The following OSBPL10 variants were observed in gnomAD, a reference collection of about 807,000 sequenced individuals.
OSBPL10 encodes the protein oxysterol-binding protein-related protein 10.
Under a neutral mutation model 81.7 loss-of-function variants are expected in OSBPL10, and 49 were observed. The observed-to-expected ratio is 0.60, with a 90% CI of 0.48 to 0.76. The LOEUF (loss-of-function observed/expected upper bound fraction) is 0.76, where lower values mean the gene tolerates loss of function less well. OSBPL10 is among the 30% of genes least tolerant of loss of function. The probability of loss-of-function intolerance (pLI) is 0.00; values close to 1 mark genes in which losing one functional copy is unlikely to be tolerated. For missense variants in OSBPL10, 923 were observed against 987.8 expected, an observed-to-expected ratio of 0.93 and a Z score of 0.88; for synonymous variants, 419 against 383.6, an observed-to-expected ratio of 1.09 and a Z score of -1.08.
intron 6 of OSBPL10, among the ~76,000 whole-genome samples, chr3:31,727,142 T>C (rs1696834404): frequency 6.6e-6 from 1 of 152,164 alleles, no homozygotes; most frequent in Non-Finnish European, 1.5e-5. Flanking sequence ...CTTAAATTTA[T>C]TACTATTTGA....
intron 1 of OSBPL10, among the ~76,000 whole-genome samples, chr3:31,892,507 G>T (rs1010197888): frequency 6.6e-6 from 1 of 152,174 alleles, no homozygotes; most frequent in Non-Finnish European, 1.5e-5. Flanking sequence ...GACGACTGGG[G>T]AGACTAACAC....
chr3:31,842,331 A>G (rs1290211126), intron 3 of OSBPL10, among the ~76,000 whole-genome samples: 3 of 152,168 alleles, frequency 2.0e-5, no homozygotes, highest in Non-Finnish European at 4.4e-5. Context: ...CTAATGTGTG[A>G]GCTCTAAGAA....
At chr3:31,783,487 T>G (rs1698756861) in intron 4 of OSBPL10, among the ~76,000 whole-genome samples, 1 of 151,650 alleles carries the variant, frequency 6.6e-6, no homozygotes. Flanking sequence ...CACCACCTGT[T>G]CCCCAAAAAC....
chr3:32,058,515 T>C (rs1342980816), intron 1 of OSBPL10, among the ~76,000 whole-genome samples: 1 of 152,134 alleles, frequency 6.6e-6, no homozygotes, highest in Non-Finnish European at 1.5e-5. Context: ...TCAGTAGAGA[T>C]GGGGTTTCAC....
At chr3:31,804,955 G>C (rs576928548) in intron 4 of OSBPL10, among the ~76,000 whole-genome samples, 1 of 152,288 alleles carries the variant, frequency 6.6e-6, no homozygotes, top group South Asian at 2.1e-4. Context: ...CTGTCTCCAA[G>C]GGAGCATGTT....
intron 1 of OSBPL10, among the ~76,000 whole-genome samples, chr3:31,884,911 A>AG (rs1324163733): frequency 6.6e-6 from 1 of 152,160 alleles, no homozygotes; most frequent in African/African-American, 2.4e-5. Flanking sequence ...TCAATAAAAG[A>AG]GGAAAAAAAA....
At position 31,899,586 on chromosome 3, in the gene OSBPL10, T is replaced by C. The variant is rs145066728; in HGVS notation, c.282-19756A>G. Among the ~76,000 whole-genome samples the C allele has an allele frequency of 4.3e-3, 649 of 152,256 alleles. 9 individuals carry two copies. Among genetic ancestry groups the C allele is most frequent in the South Asian group, 0.04 (191 of 4,822 alleles). On this transcript the variant is annotated intron_variant, in intron 1 of 11. Coordinates refer to ENST00000396556, the MANE Select transcript of OSBPL10 (RefSeq NM_017784.5). ...ACACCATGCATGTAATCTCAGCACTTTGAGAGGCCGAGGTGAGAGAACCAC... is the reference window on the plus strand; with the variant it reads ...ACACCATGCATGTAATCTCAGCACTCTGAGAGGCCGAGGTGAGAGAACCAC...
chr3:32,011,156 C>G (rs1699252237), intron 2 of OSBPL10, among the ~76,000 whole-genome samples: 2 of 152,246 alleles, frequency 1.3e-5, no homozygotes, highest in African/African-American at 4.8e-5. Flanking sequence ...AAGTGGGTCC[C>G]TGACCCCCGA....
intron 2 of OSBPL10, among the ~76,000 whole-genome samples, chr3:32,007,338 A>G (rs1172901310): frequency 1.3e-5 from 2 of 152,208 alleles, no homozygotes; most frequent in African/African-American, 4.8e-5. Flanking sequence ...TGGCTGCTAT[A>G]ACAAACTACC....
chr3:31,801,214 T>G (rs1178521247), intron 4 of OSBPL10, among the ~76,000 whole-genome samples: 1 of 152,146 alleles, frequency 6.6e-6, no homozygotes, highest in Non-Finnish European at 1.5e-5. Context: ...AGAAATAAAC[T>G]GGGCCACACA....
At chr3:31,984,230 T>C (rs1698902071), upstream of OSBPL10, among the ~76,000 whole-genome samples, 1 of 152,040 alleles carries the variant, frequency 6.6e-6, no homozygotes, top group Non-Finnish European at 1.5e-5. Flanking sequence ...TTAGTAGAGA[T>C]GGGATTTCAC....
intron 5 of OSBPL10, among the ~76,000 whole-genome samples, chr3:31,734,966 A>T (rs1697106304): frequency 6.6e-6 from 1 of 152,240 alleles, no homozygotes; most frequent in Admixed American, 6.5e-5. Context: ...TATCCCAAAC[A>T]TTCCTGACAT....
At chr3:31,866,780 C>G (rs538811036) in intron 3 of OSBPL10, among the ~76,000 whole-genome samples, 1 of 152,120 alleles carries the variant, frequency 6.6e-6, no homozygotes, top group Non-Finnish European at 1.5e-5. Context: ...AGGGCTCTTA[C>G]TACCACAAGG....
chr3:31,703,380 A>C (rs1194361253), intron 6 of OSBPL10, among the ~76,000 whole-genome samples: 2 of 152,248 alleles, frequency 1.3e-5, no homozygotes, highest in Non-Finnish European at 2.9e-5. Flanking sequence ...AGCACTCTGC[A>C]CAGAACATTA....
Position 31,981,193 on chromosome 3 carries a change from C to G in OSBPL10, c.-14G>C, listed in dbSNP as rs752453355. 1 of 1,408,962 alleles carries G rather than the reference C, an allele frequency of 7.1e-7. No homozygotes were observed. The highest frequency in any genetic ancestry group is 1.5e-5 in the South Asian group (1 of 65,266). 87.3% of individuals were successfully genotyped at this position (1,408,962 alleles called of 1,614,324 possible). ...TGCCCTCTCCATGGTCCGTGGGCGC[C>G]CGGGACGCGGGTGCCCGCCGCGGTG... On this transcript the variant is annotated 5_prime_UTR_variant, in exon 1 of 12. Coordinates refer to ENST00000396556, the MANE Select transcript of OSBPL10 (RefSeq NM_017784.5). This position sits in a 1 kb window ranked among gnomAD's most constrained non-coding sequence, Gnocchi z 4.5.
At position 31,838,262 on chromosome 3, in the gene OSBPL10, G is replaced by A. The variant is rs555705390; in HGVS notation, c.538-8031C>T. Among the ~76,000 whole-genome samples, 1,199 of 152,226 alleles carry A rather than the reference G, an allele frequency of 7.9e-3. 16 individuals carry two copies. Among genetic ancestry groups the A allele is most frequent in the African/African-American group, 0.028 (1,152 of 41,540 alleles). On this transcript the variant is annotated intron_variant, in intron 3 of 11. Coordinates refer to ENST00000396556, the MANE Select transcript of OSBPL10 (RefSeq NM_017784.5). Reference sequence around the variant, plus strand: ...ACTGTGGCTCAAGCCTGTAATCCCAGCACTTTGGGAGGCTGAGGTGGGCGG... The same window carrying A: ...ACTGTGGCTCAAGCCTGTAATCCCAACACTTTGGGAGGCTGAGGTGGGCGG...
intron 1 of OSBPL10, among the ~76,000 whole-genome samples, chr3:31,965,603 A>AAT (rs1413229188): frequency 1.9e-5 from 1 of 53,414 alleles, no homozygotes; most frequent in African/African-American, 6.8e-5. Context: ...TATATTATAT[A>AAT]ATATATTATA....
chr3:31,734,871 A>C lies in OSBPL10; in HGVS notation c.941-1460T>G, dbSNP rs565769090. Among the ~76,000 whole-genome samples, 172 of 152,344 alleles carry C rather than the reference A, an allele frequency of 1.1e-3. 1 individual carries two copies. The highest frequency in any genetic ancestry group is 3.4e-3 in the Middle Eastern group (1 of 294). ...CATGACTCATGAACTAAAATTCAAC[A>C]TTTCAGGGTCTCAGATGTTCCATCC... On this transcript the variant is annotated intron_variant, in intron 5 of 11. Coordinates refer to ENST00000396556, the MANE Select transcript of OSBPL10 (RefSeq NM_017784.5).
At chr3:32,075,331 A>G (rs1198755345) in intron 1 of OSBPL10, among the ~76,000 whole-genome samples, 1 of 152,202 alleles carries the variant, frequency 6.6e-6, no homozygotes, top group African/African-American at 2.4e-5. Flanking sequence ...GTATATGACA[A>G]CATAAAAAAA....
Sources: allele counts gnomAD v4.1 joint callset (sites outside exome capture counted in the v4.1 genomes callset), GRCh38; gene constraint gnomAD v4.1.1; non-coding constraint Gnocchi (gnomAD v3.1); transcripts MANE v1.5; gene names NCBI Gene and HGNC (gene_info 2026-07-23, HGNC 2026-07-21).